OSBPL11: variants seen among roughly 807,000 people sequenced by gnomAD.
OSBPL11 encodes oxysterol-binding protein-related protein 11.
In OSBPL11, 33 loss-of-function variants were observed where a neutral mutation model predicts 84.4. The ratio of observed to expected loss-of-function variants is 0.39; its 90% confidence interval spans 0.30 to 0.52. The LOEUF (loss-of-function observed/expected upper bound fraction) is 0.52, where lower values mean the gene tolerates loss of function less well. OSBPL11 is among the 20% of genes least tolerant of loss of function. The pLI is 0.72. For missense variants in OSBPL11, 736 were observed against 901.1 expected (o/e 0.82, Z 2.35); for synonymous variants, 276 against 310.2 (o/e 0.89, Z 1.16).
chr3:125,552,122 C>T, intron 9 of OSBPL11, 59 bp downstream of exon 9: 2 of 911,652 alleles, frequency 2.2e-6, no homozygotes, highest in Non-Finnish European at 2.8e-6. Flanking sequence ...AAAAAAAATA[C>T]ATATATATAT....
At position 125,552,516 on chromosome 3, in the gene OSBPL11, C is replaced by T. The variant is rs780347567; in HGVS notation, c.1319G>A (p.Arg440His). The T allele has an allele frequency of 6.2e-6, 10 of 1,614,042 alleles. No homozygotes were observed. Among genetic ancestry groups the T allele is most frequent in the African/African-American group, 4.0e-5 (3 of 74,924 alleles). ...EYYLTSFHEGRKGAIAKKPYN... is the reference protein window; with the variant it reads ...EYYLTSFHEGHKGAIAKKPYN... ...TGGTTTTTTAGCAATGGCTCCCTTA[C>T]GGCCTTCATGAAATGAGGTAAGGTA... The change falls in exon 9 of 13, where the codon CGT (arginine) becomes CAT (histidine). Residue 440 changes from arginine (R) to histidine (H), a missense_variant. Arg to His is a conservative substitution (Grantham distance 29). Coordinates refer to ENST00000296220, the MANE Select transcript of OSBPL11 (RefSeq NM_022776.5).
intron 1 of OSBPL11, among the ~76,000 whole-genome samples, chr3:125,585,964 T>C (rs887013411): frequency 1.3e-5 from 2 of 152,188 alleles, no homozygotes; most frequent in South Asian, 4.1e-4. Context: ...GGGCCTGGTG[T>C]AGTGCCTCAT....
intron 5 of OSBPL11, 107 bp from the exon 6 acceptor site, chr3:125,567,702 G>T (rs989148370): frequency 2.3e-6 from 2 of 878,442 alleles, no homozygotes; most frequent in Non-Finnish European, 3.5e-6. Context: ...CATTTTTAAA[G>T]ACCTACTAGG....
Position 125,530,495 on chromosome 3 carries a change from C to A in OSBPL11, c.*20G>T, listed in dbSNP as rs369609364. ...TAAACAGAGAAGAACCTCATTTGGT[C>A]GAGTTTTAGATAGTATGTGTCACTC... On this transcript the variant is annotated 3_prime_UTR_variant, in exon 13 of 13. Coordinates refer to ENST00000296220, the MANE Select transcript of OSBPL11 (RefSeq NM_022776.5). 6.2e-7 allele frequency: 1 copy of A among 1,608,222 alleles called. No homozygotes were observed. Among genetic ancestry groups the A allele is most frequent in the South Asian group, 1.1e-5 (1 of 90,890 alleles).
chr3:125,575,457 C>T (rs2107606755), intron 5 of OSBPL11, among the ~76,000 whole-genome samples: 1 of 151,984 alleles, frequency 6.6e-6, no homozygotes, highest in East Asian at 1.9e-4. Context: ...AACTCCTGGG[C>T]TCAGGCGATC....
rs572602758 is a variant in OSBPL11, at chr3:125,582,058, G to C, written c.233+852C>G. The stretch of plus-strand genomic sequence containing the variant: ...TTTTAAAATTCATGTTGGGTGGCCA[G>C]GTGTGGTGGCTCACGCCTGTGATCC... On this transcript the variant is annotated intron_variant, in intron 2 of 12. Transcript: ENST00000296220. 3.3e-5 allele frequency among the ~76,000 whole-genome samples: 5 copies of C among 152,298 alleles called. No homozygotes were observed. The South Asian group carries it at 1.0e-3, about 32-fold the overall frequency.
At chr3:125,588,083 G>A (rs1050552918) in intron 1 of OSBPL11, among the ~76,000 whole-genome samples, 8 of 152,002 alleles carry the variant, frequency 5.3e-5, no homozygotes, top group African/African-American at 1.7e-4. Context: ...TTAGCTGGGC[G>A]TGGTGGTGCA....
Position 125,560,421 on chromosome 3 carries a change from T to C in OSBPL11, c.1113A>G (p.Leu371=), listed in dbSNP as rs1239020999. ...CCAGCTTAAGCTGTGACAAGAGATG[T>C]AGGATGACACTACGTTGTTCTTCTA... ...GAVEEQRSVI[L]HLLSQLKLGM... Residue 371 remains leucine, a synonymous_variant, in exon 8 of 13, where the codon CTA becomes CTG. Coordinates refer to ENST00000296220, the MANE Select transcript of OSBPL11 (RefSeq NM_022776.5). The C allele has an allele frequency of 1.2e-6, 2 of 1,601,260 alleles. No homozygotes were observed. The highest frequency in any genetic ancestry group is 3.4e-5 in the Admixed American group (2 of 59,280).
intron 1 of OSBPL11, among the ~76,000 whole-genome samples, chr3:125,593,576 C>T (rs576000475): frequency 2.7e-4 from 40 of 150,850 alleles, no homozygotes; most frequent in African/African-American, 9.8e-4. Context: ...GCCGAGATCG[C>T]GCCACCACAC....
rs909088138 is a variant in OSBPL11, at chr3:125,568,482, T to C, written c.667-887A>G. On this transcript the variant is annotated intron_variant, in intron 5 of 12. Coordinates refer to ENST00000296220, the MANE Select transcript of OSBPL11 (RefSeq NM_022776.5). ...AGCCATCAAGTTATCAGAAAGATTC[T>C]AGAAGATCCTTAACAGGAAAATCAA... Among the ~76,000 whole-genome samples the C allele has an allele frequency of 2.0e-4, 30 of 152,006 alleles. 1 individual carries two copies. Among genetic ancestry groups the C allele is most frequent in the East Asian group, 1.9e-3 (10 of 5,176 alleles).
At chr3:125,554,169 G>C (rs1334133791) in intron 8 of OSBPL11, among the ~76,000 whole-genome samples, 2 of 152,146 alleles carry the variant, frequency 1.3e-5, no homozygotes, top group Non-Finnish European at 2.9e-5. Flanking sequence ...TCAAAGTCTA[G>C]AGGTTTAGCC....
intron 8 of OSBPL11, 143 bp downstream of exon 8, chr3:125,560,236 G>A (rs1468631226): frequency 4.3e-6 from 3 of 695,020 alleles, no homozygotes; most frequent in African/African-American, 3.7e-5. Flanking sequence ...ACTCCAGCCT[G>A]GGCAACAAGA....
At chr3:125,554,785 A>G (rs1935965493) in intron 8 of OSBPL11, among the ~76,000 whole-genome samples, 1 of 152,146 alleles carries the variant, frequency 6.6e-6, no homozygotes, top group East Asian at 1.9e-4. Context: ...AGGCGAGGAA[A>G]TCTCCCATAA....
At chr3:125,585,449 C>T (rs1030974065) in intron 1 of OSBPL11, among the ~76,000 whole-genome samples, 2 of 151,498 alleles carry the variant, frequency 1.3e-5, no homozygotes, top group African/African-American at 4.8e-5. Context: ...AGTGTATCTT[C>T]ATATTTCACA....
chr3:125,564,701 C>T (rs1373228612), intron 6 of OSBPL11, among the ~76,000 whole-genome samples: 1 of 150,276 alleles, frequency 6.7e-6, no homozygotes, highest in Non-Finnish European at 1.5e-5. Flanking sequence ...ATTGCCCATG[C>T]TGGAGTGCAG....
At chr3:125,544,196 C>A (rs1935777274) in intron 10 of OSBPL11, among the ~76,000 whole-genome samples, 1 of 151,496 alleles carries the variant, frequency 6.6e-6, no homozygotes, top group African/African-American at 2.4e-5. Flanking sequence ...GCTGGGATTA[C>A]AGGCATGCAC....
At chr3:125,553,322 G>A (rs1935941573) in intron 8 of OSBPL11, among the ~76,000 whole-genome samples, 1 of 152,120 alleles carries the variant, frequency 6.6e-6, no homozygotes, top group South Asian at 2.1e-4. Flanking sequence ...GTAGATGAAT[G>A]ACCAAGACAT....
At chr3:125,583,615 G>GTGCA (rs1334366532) in intron 1 of OSBPL11, among the ~76,000 whole-genome samples, 1 of 147,808 alleles carries the variant, frequency 6.8e-6, no homozygotes, top group Non-Finnish European at 1.5e-5. Context: ...AAAGGGCTGA[G>GTGCA]TGCAGTGGCT....
chr3:125,537,577 T>C (rs1403684993), intron 11 of OSBPL11, among the ~76,000 whole-genome samples: 1 of 152,232 alleles, frequency 6.6e-6, no homozygotes, highest in Non-Finnish European at 1.5e-5. Flanking sequence ...CTCTGAATGT[T>C]TGATTGTGGA....
Sources: allele counts gnomAD v4.1 joint callset (sites outside exome capture counted in the v4.1 genomes callset), GRCh38; gene constraint gnomAD v4.1.1; transcripts MANE v1.5; gene names NCBI Gene and HGNC (gene_info 2026-07-23, HGNC 2026-07-21).